The following NRXN2 variants were observed in gnomAD, a reference collection of about 807,000 sequenced individuals.
NRXN2 encodes neurexin 2.
In NRXN2, 29 loss-of-function variants were observed where a neutral mutation model predicts 128.8. The observed-to-expected ratio is 0.23, with a 90% CI of 0.17 to 0.31. NRXN2 has a LOEUF of 0.31. Among genes scored for constraint, NRXN2 ranks in the 10% least tolerant of loss-of-function variants. The pLI, the probability that NRXN2 is intolerant of heterozygous loss-of-function variation, is 1.00. For missense variants in NRXN2, 1,881 were observed against 2,452.6 expected (o/e 0.77, Z 4.92); for synonymous variants, 1,098 against 1,075.2 (o/e 1.02, Z -0.41).
intron 2 of NRXN2, among the ~76,000 whole-genome samples, chr11:64,703,793 C>T (rs905615489): frequency 1.3e-5 from 2 of 152,120 alleles, no homozygotes; most frequent in East Asian, 1.9e-4. Context: ...AACCATAGTA[C>T]CATTTATTGA....
In NRXN2 at chr11:64,607,353, CG is replaced by C. The variant is rs1281900319; in HGVS notation, c.4981del (p.Arg1661AlafsTer28). ...LILLYAMYKYRNRDEGSYQVD... is the reference protein window; with the variant it reads ...LILLYAMYKYXNRDEGSYQVD... ...CTGGTAGGAGCCCTCATCACGATTGCGGTACTTATACATGGCGTAGAGGAGG... is the reference window on the plus strand; with the variant it reads ...CTGGTAGGAGCCCTCATCACGATTGCGTACTTATACATGGCGTAGAGGAGG... On this transcript the variant is annotated frameshift_variant, in exon 23 of 23. Coordinates refer to ENST00000265459, the MANE Select transcript of NRXN2 (RefSeq NM_015080.4). LOFTEE classifies it high-confidence loss of function. The C allele has an allele frequency of 6.2e-7, 1 of 1,613,824 alleles. No individual in the cohort carries two copies. The highest frequency in any genetic ancestry group is 8.5e-7 in the Non-Finnish European group (1 of 1,179,988).
intron 17 of NRXN2, chr11:64,642,588 G>A (rs776460973): frequency 1.2e-6 from 2 of 1,610,590 alleles, no homozygotes; most frequent in Non-Finnish European, 8.5e-7. Context: ...CGATGGGCAC[G>A]GTGCCGTGCT....
Position 64,653,715 on chromosome 11 carries a change from C to A in NRXN2, c.2397G>T (p.Leu799=). The A allele has an allele frequency of 6.3e-7, 1 of 1,594,972 alleles. No individual in the cohort carries two copies. The part of the protein sequence containing the change: ...QMKLTVNLDC[L]RVGCAPSKGP... ...ACTTACTGGGTGCGCAGCCGACGCG[C>A]AGGCAGTCTGGGGGGGCCATGGGGC... The change falls in exon 12 of 23, where the codon CTG becomes CTT. Residue 799 remains leucine (L), a synonymous_variant. Transcript: ENST00000265459.
rs747938423 is a variant in NRXN2, at chr11:64,648,801, G to A, written c.3216C>T (p.Asn1072=). 9.3e-6 allele frequency: 15 copies of A among 1,614,056 alleles called. No individual in the cohort carries two copies. The highest frequency in any genetic ancestry group is 3.3e-5 in the South Asian group (3 of 91,086). The part of the protein sequence containing the change: ...FQGCLASVDL[N]GRLPDLIADA... ...CGGCGATGAGGTCTGGGAGACGTCCGTTGAGGTCCACTGAGGCCAGGCAGC... is the reference window on the plus strand; with the variant it reads ...CGGCGATGAGGTCTGGGAGACGTCCATTGAGGTCCACTGAGGCCAGGCAGC... The change falls in exon 16 of 23, where the codon AAC becomes AAT. Residue 1072 remains asparagine (N), a synonymous_variant. Transcript: ENST00000265459. This position sits in a 1 kb window ranked among gnomAD's most constrained non-coding sequence, Gnocchi z 4.1.
At chr11:64,678,398 C>G (rs1258838058) in intron 6 of NRXN2, among the ~76,000 whole-genome samples, 2 of 152,072 alleles carry the variant, frequency 1.3e-5, no homozygotes, top group Non-Finnish European at 2.9e-5. Flanking sequence ...TGCCCACCAC[C>G]ACCACCCCTA....
rs754091959 is a variant in NRXN2 at position 64,608,039 on chromosome 11, G to A, written c.4296C>T (p.Asp1432=). The A allele has an allele frequency of 2.6e-4, 415 of 1,575,140 alleles. No individual in the cohort carries two copies. The highest frequency in any genetic ancestry group is 4.3e-4 in the Middle Eastern group (2 of 4,636). ...ILPIITEDSL[D]PPPVATRSPF... is the part of the protein sequence containing the mutation. Reference sequence around the variant, plus strand: ...GGGATCGGGTGGCCACGGGAGGGGGGTCTAAGGAGTCCTCCGTGATAATGG... The same window carrying A: ...GGGATCGGGTGGCCACGGGAGGGGGATCTAAGGAGTCCTCCGTGATAATGG... The change falls in exon 23 of 23, where the codon GAC becomes GAT. Residue 1432 remains aspartate, a synonymous_variant. Transcript: ENST00000265459.
chr11:64,686,012 T>G, intron 5 of NRXN2, 65 bp from the exon 6 acceptor site: 1 of 1,576,022 alleles, frequency 6.3e-7, no homozygotes, highest in South Asian at 1.1e-5. Flanking sequence ...AGTGCTTCCC[T>G]CTCCCCTCCA....
chr11:64,690,340 G>T, intron 5 of NRXN2, 65 bp downstream of exon 5: 1 of 1,480,134 alleles, frequency 6.8e-7, no homozygotes, highest in Non-Finnish European at 9.3e-7. Flanking sequence ...CTTCCCCCCA[G>T]GAAGCACAGT....
intron 19 of NRXN2, among the ~76,000 whole-genome samples, chr11:64,627,661 T>G (rs975155130): frequency 7.2e-5 from 11 of 152,146 alleles, no homozygotes; most frequent in Non-Finnish European, 1.5e-4. Context: ...AATGTGTGTG[T>G]GTGCACAGAC....
chr11:64,650,547 C>T lies in NRXN2; in HGVS notation c.3010G>A (p.Val1004Met). Residue 1004 changes from valine (V) to methionine (M), a missense_variant, in exon 15 of 23, where the codon GTG becomes ATG. Coordinates refer to ENST00000265459, the MANE Select transcript of NRXN2 (RefSeq NM_015080.4). ...KPVNDNQWHNVVVSRDPGNVH... is the reference protein window; with the variant it reads ...KPVNDNQWHNMVVSRDPGNVH... ...TTGCCTGGGTCCCTGGACACCACCA[C>T]GTTGTGCCACTGGTTGTCATTGACT... 1.2e-6 allele frequency: 2 copies of T among 1,614,214 alleles called. No homozygotes were observed. Among genetic ancestry groups the T allele is most frequent in the Non-Finnish European group, 8.5e-7 (1 of 1,180,048 alleles).
rs559197416 is a variant in NRXN2, at chr11:64,653,589, G to C, written c.2416+107C>G. 3 of 1,139,440 alleles carry C rather than the reference G, an allele frequency of 2.6e-6. No homozygotes were observed. In the South Asian group the frequency reaches 3.9e-5, roughly 15 times the overall value. The allele number at this position is 1,139,440 out of a possible 1,614,324, so 70.6% of individuals were successfully genotyped here. A position where few individuals can be genotyped will look rare whatever the true frequency, so the allele number is the denominator to read the frequency against. The stretch of plus-strand genomic sequence containing the variant: ...CACACTCAAGGCCCAACCCCCATTC[G>C]AGCCAGCAATCACGGCTTCTCTTCC... On this transcript the variant is annotated intron_variant, in intron 12 of 22. Coordinates refer to ENST00000265459, the MANE Select transcript of NRXN2 (RefSeq NM_015080.4).
rs1479061165 is a variant in NRXN2, at chr11:64,652,043, G to A, written c.2528C>T (p.Thr843Ile). 1 of 1,612,256 alleles carries A rather than the reference G, an allele frequency of 6.2e-7. No homozygotes were observed. Among genetic ancestry groups the A allele is most frequent in the Admixed American group, 1.7e-5 (1 of 60,026 alleles). The change falls in exon 13 of 23, where the codon ACT becomes ATT. Residue 843 changes from threonine (T) to isoleucine (I), a missense_variant. Coordinates refer to ENST00000265459, the MANE Select transcript of NRXN2 (RefSeq NM_015080.4). ...GGGCCCAGACCACCTACCCTCCACA[G>A]TCACGTTGTCCACAGACAGCTGCAG... ...KSLQLSVDNV[T>I]VEGQMAGAHM...
chr11:64,680,732 G>A (rs569618680), intron 6 of NRXN2, among the ~76,000 whole-genome samples: 2 of 152,282 alleles, frequency 1.3e-5, no homozygotes, highest in East Asian at 1.9e-4. Flanking sequence ...TCTGAGAAAC[G>A]CTGTGACAGA....
Position 64,635,196 on chromosome 11 carries a change from C to T in NRXN2, c.3585+75G>A, listed in dbSNP as rs928078796. ...TGAGGGAAGACTTGAGGTGCTGATC[C>T]CATGGCAATGAGGGGCTGAACTGAT... On this transcript the variant is annotated intron_variant, in intron 18 of 22. Transcript: ENST00000265459. This position sits in a 1 kb window ranked among gnomAD's most constrained non-coding sequence, Gnocchi z 4.8. The T allele has an allele frequency of 2.0e-6, 3 of 1,535,142 alleles. No individual in the cohort carries two copies. The highest frequency in any genetic ancestry group is 2.7e-5 in the African/African-American group (2 of 73,322).
At chr11:64,626,377 G>T in intron 20 of NRXN2, 86 bp downstream of exon 20, 8 of 1,092,702 alleles carry the variant, frequency 7.3e-6, no homozygotes, top group Admixed American at 3.9e-5. Flanking sequence ...ATTGGTGAAG[G>T]CACGGAGGGG....
intron 17 of NRXN2, among the ~76,000 whole-genome samples, chr11:64,636,303 G>T (rs2044707157): frequency 6.6e-6 from 1 of 151,664 alleles, no homozygotes; most frequent in Non-Finnish European, 1.5e-5. Context: ...CCAGCCGGCT[G>T]CTGGGGGCGG....
In NRXN2 at chr11:64,606,264, G is replaced by A. The variant is rs1180793788; in HGVS notation, c.*932C>T. 5.2e-5 allele frequency: 8 copies of A among 152,486 alleles called. No individual in the cohort carries two copies. Among genetic ancestry groups the A allele is most frequent in the Admixed American group, 1.3e-4 (2 of 15,284 alleles). The allele number at this position is 152,486 out of a possible 1,614,324, so 9.4% of individuals were successfully genotyped here. On this transcript the variant is annotated 3_prime_UTR_variant, in exon 23 of 23. Transcript: ENST00000265459. ...ACTCAGACACATTTGTTAACAAAGA[G>A]AGAAAAAAAACTGGGGGAGCAGGGA...
rs1261715724 is a variant in NRXN2 at position 64,685,703 on chromosome 11, A to G, written c.1095T>C (p.Asn365=). ...GCCAGGCGTTGTCGTTGAACTTGCC[A>G]TTGACGGGTTCCACAAGGGCCTCGA... is the stretch of plus-strand genomic sequence containing the variant. The part of the protein sequence containing the change: ...GAFEALVEPV[N]GKFNDNAWHD... Residue 365 remains asparagine (N), a synonymous_variant, in exon 6 of 23, where the codon AAT becomes AAC. Coordinates refer to ENST00000265459, the MANE Select transcript of NRXN2 (RefSeq NM_015080.4). 1 of 1,614,160 alleles carries G rather than the reference A, an allele frequency of 6.2e-7. No individual in the cohort carries two copies. The highest frequency in any genetic ancestry group is 1.7e-5 in the Admixed American group (1 of 60,018).
chr11:64,640,748 G>A (rs896872819), intron 17 of NRXN2, among the ~76,000 whole-genome samples: 1 of 152,174 alleles, frequency 6.6e-6, no homozygotes, highest in Non-Finnish European at 1.5e-5. Flanking sequence ...CAGGGAAACT[G>A]GATGAAGAGA....
Sources: allele counts gnomAD v4.1 joint callset (sites outside exome capture counted in the v4.1 genomes callset), GRCh38; gene constraint gnomAD v4.1.1; non-coding constraint Gnocchi (gnomAD v3.1); transcripts MANE v1.5; gene names NCBI Gene and HGNC (gene_info 2026-07-23, HGNC 2026-07-21).